CTNNA3: variants seen among roughly 807,000 people sequenced by gnomAD.
CTNNA3 encodes the protein catenin alpha-3.
CTNNA3 carries 76 observed loss-of-function variants against 95.7 expected under a neutral mutation model. The observed-to-expected ratio is 0.79, with a 90% confidence interval of 0.66 to 0.96. CTNNA3 has a LOEUF of 0.96. CTNNA3 is among the 40% of genes least tolerant of loss of function. CTNNA3 has a pLI of 0.00. For missense variants in CTNNA3, 1,191 were observed against 1,089.8 expected, an observed-to-expected ratio of 1.09 and a Z score of -1.31; for synonymous variants, 431 against 374.4, an observed-to-expected ratio of 1.15 and a Z score of -1.74.
At chr10:66,748,617 C>T (rs896841862) in intron 9 of CTNNA3, among the ~76,000 whole-genome samples, 1 of 152,022 alleles carries the variant, frequency 6.6e-6, no homozygotes, top group Non-Finnish European at 1.5e-5. Context: ...TTTTATCCCA[C>T]CAGATGTTCA....
chr10:66,157,834 GT>G (rs544500617), intron 13 of CTNNA3, among the ~76,000 whole-genome samples: 5 of 151,416 alleles, frequency 3.3e-5, no homozygotes, highest in Non-Finnish European at 1.5e-5. Flanking sequence ...AACATCTACT[GT>G]TTTTTTTATT....
intron 2 of CTNNA3, among the ~76,000 whole-genome samples, chr10:67,641,212 T>A (rs1198345866): frequency 1.3e-5 from 2 of 152,116 alleles, no homozygotes; most frequent in Non-Finnish European, 2.9e-5. Flanking sequence ...GAACAGACAC[T>A]TCTCAAAAGA....
intron 7 of CTNNA3, among the ~76,000 whole-genome samples, chr10:66,823,647 TA>T (rs963682827): frequency 6.6e-6 from 1 of 152,200 alleles, no homozygotes; most frequent in African/African-American, 2.4e-5. Context: ...TACTAAGTAT[TA>T]AAAATAACAA....
intron 11 of CTNNA3, among the ~76,000 whole-genome samples, chr10:66,390,749 ATTTG>A (rs1425170742): frequency 6.6e-6 from 1 of 152,104 alleles, no homozygotes; most frequent in Admixed American, 6.6e-5. Flanking sequence ...TACTTACAGA[ATTTG>A]TTTGTCAGGA....
intron 1 of CTNNA3, among the ~76,000 whole-genome samples, chr10:67,740,227 C>T (rs1452822784): frequency 6.6e-6 from 1 of 152,132 alleles, no homozygotes; most frequent in African/African-American, 2.4e-5. Context: ...CTAGGCATTA[C>T]CATTCAGGAC....
At chr10:66,678,262 T>C (rs1846936265) in intron 9 of CTNNA3, among the ~76,000 whole-genome samples, 1 of 152,168 alleles carries the variant, frequency 6.6e-6, no homozygotes, top group South Asian at 2.1e-4. Flanking sequence ...CCCTCATCTA[T>C]GCTTTTGTGC....
chr10:67,704,529 G>A (rs1841065582), intron 1 of CTNNA3, among the ~76,000 whole-genome samples: 1 of 152,196 alleles, frequency 6.6e-6, no homozygotes, highest in Non-Finnish European at 1.5e-5. Context: ...AATGGGGAAA[G>A]GATTCCCTAT....
At chr10:66,495,050 G>A (rs1840054787) in intron 11 of CTNNA3, among the ~76,000 whole-genome samples, 1 of 152,152 alleles carries the variant, frequency 6.6e-6, no homozygotes, top group Admixed American at 6.5e-5. Flanking sequence ...ATTTCATGTT[G>A]TATCGCCAAC....
At chr10:66,279,008 G>A (rs2091447637) in intron 13 of CTNNA3, among the ~76,000 whole-genome samples, 1 of 152,032 alleles carries the variant, frequency 6.6e-6, no homozygotes, top group African/African-American at 2.4e-5. Flanking sequence ...TAATCACTTA[G>A]AAATAGTTGT....
chr10:66,631,114 C>A (rs1288316124), intron 9 of CTNNA3, among the ~76,000 whole-genome samples: 1 of 152,128 alleles, frequency 6.6e-6, no homozygotes, highest in Non-Finnish European at 1.5e-5. Flanking sequence ...TTCTCTTGAA[C>A]TTTGCATCTC....
chr10:67,188,528 C>T (rs542957826), intron 6 of CTNNA3, among the ~76,000 whole-genome samples: 2 of 152,236 alleles, frequency 1.3e-5, no homozygotes, highest in East Asian at 3.9e-4. Flanking sequence ...AAAGGGGAAT[C>T]CTTGTATGCT....
intron 11 of CTNNA3, among the ~76,000 whole-genome samples, chr10:66,508,731 G>T (rs1228681487): frequency 6.6e-6 from 1 of 151,952 alleles, no homozygotes. Context: ...ATCCTTTATG[G>T]CTGACTAGTA....
At chr10:67,091,749 G>A (rs893029624) in intron 7 of CTNNA3, among the ~76,000 whole-genome samples, 1 of 151,976 alleles carries the variant, frequency 6.6e-6, no homozygotes, top group African/African-American at 2.4e-5. Context: ...CAAATCATGG[G>A]ACATTTGGAA....
At chr10:66,955,372 G>A (rs919585393) in intron 7 of CTNNA3, among the ~76,000 whole-genome samples, 2 of 152,146 alleles carry the variant, frequency 1.3e-5, no homozygotes, top group Non-Finnish European at 2.9e-5. Context: ...AGGCACTATA[G>A]AAATGTATAA....
intron 3 of CTNNA3, among the ~76,000 whole-genome samples, chr10:67,602,660 A>G (rs1843123676): frequency 6.6e-6 from 1 of 152,184 alleles, no homozygotes; most frequent in Admixed American, 6.5e-5. Flanking sequence ...TTTTTGAACT[A>G]AAAAGATTAA....
chr10:67,685,317 T>G (rs1046358918), intron 1 of CTNNA3, among the ~76,000 whole-genome samples: 1 of 152,250 alleles, frequency 6.6e-6, no homozygotes, highest in Non-Finnish European at 1.5e-5. Flanking sequence ...GTAAGTACTT[T>G]AAGGTTTAGC....
chr10:66,005,031 T>C (rs1424704749), intron 15 of CTNNA3, among the ~76,000 whole-genome samples: 1 of 152,148 alleles, frequency 6.6e-6, no homozygotes, highest in Non-Finnish European at 1.5e-5. Flanking sequence ...GAGAATCCAT[T>C]CTCTCACCAT....
At chr10:66,419,270 A>G (rs982886941) in intron 11 of CTNNA3, among the ~76,000 whole-genome samples, 1 of 147,890 alleles carries the variant, frequency 6.8e-6, no homozygotes, top group African/African-American at 2.5e-5. Context: ...AAAACAAAAC[A>G]GAAGAACAGA....
chr10:65,948,229 C>T (rs1397725415), intron 17 of CTNNA3, among the ~76,000 whole-genome samples: 2 of 144,090 alleles, frequency 1.4e-5, no homozygotes, highest in East Asian at 4.0e-4. Flanking sequence ...TGCAGTGAGC[C>T]GAGATCATGC....
Sources: gnomAD v4.1 joint callset for allele counts (sites outside exome capture counted in the v4.1 genomes callset) on GRCh38, gnomAD v4.1.1 for gene constraint, MANE v1.5 for transcripts, NCBI Gene and HGNC (gene_info 2026-07-23, HGNC 2026-07-21) for gene names.